Variants in CUZD1 observed in about 807,000 individuals in gnomAD.
CUZD1 encodes CUB and zona pellucida-like domain-containing protein 1.
CUZD1 carries 42 observed loss-of-function variants against 53.1 expected under a neutral mutation model. That is an observed-to-expected ratio of 0.79 (90% CI 0.62 to 1.02). The LOEUF (loss-of-function observed/expected upper bound fraction) is 1.02. CUZD1 is among the 50% of genes least tolerant of loss of function. The pLI is 0.00. For missense variants in CUZD1, 670 were observed against 715.7 expected (o/e 0.94, Z 0.73); for synonymous variants, 238 against 257.2 (o/e 0.93, Z 0.71).
chr10:122,845,399 AAG>A (rs1847420766), intron 1 of CUZD1, among the ~76,000 whole-genome samples: 1 of 152,188 alleles, frequency 6.6e-6, no homozygotes, highest in East Asian at 1.9e-4. Flanking sequence ...AGTTGCAAAA[AAG>A]AGTGTTCCAT....
intron 1 of CUZD1, among the ~76,000 whole-genome samples, chr10:122,844,320 G>A (rs1478652773): frequency 1.3e-5 from 2 of 152,074 alleles, no homozygotes; most frequent in South Asian, 2.1e-4. Context: ...GTAGGCTTGA[G>A]CCATCATGCT....
chr10:122,835,220 T>C, intron 6 of CUZD1, 123 bp from the exon 7 acceptor site: 1 of 639,392 alleles, frequency 1.6e-6, no homozygotes, highest in Non-Finnish European at 2.6e-6. Context: ...ACAGCTTTCA[T>C]GTCAGAATAC....
rs148411775 is a variant in CUZD1, at chr10:122,837,040, A to C, written c.608T>G (p.Ile203Arg). Residue 203 changes from isoleucine to arginine, a missense_variant, in exon 5 of 9, where the codon ATA becomes AGA. Transcript: ENST00000392790. ...KLNFKEIFLE[I>R]DKQCKFDFLA... ...AAAATCAAATTTGCACTGTTTGTCT[A>C]TTTCTAGGCTAGAGAATGAGGGCCT... The C allele has an allele frequency of 8.9e-5, 144 of 1,610,026 alleles. No individual in the cohort carries two copies. Among genetic ancestry groups the C allele is most frequent in the Non-Finnish European group, 1.2e-4 (138 of 1,177,000 alleles).
intron 2 of CUZD1, among the ~76,000 whole-genome samples, chr10:122,840,483 T>C (rs1847323289): frequency 6.6e-6 from 1 of 152,134 alleles, no homozygotes; most frequent in Non-Finnish European, 1.5e-5. Flanking sequence ...TATTTTTTAG[T>C]CTTGGACCTG....
At chr10:122,839,260 G>T (rs370935434) in intron 2 of CUZD1, 29 bp from the exon 3 acceptor site, 68 of 1,602,386 alleles carry the variant, frequency 4.2e-5, no homozygotes, top group Non-Finnish European at 8.5e-6. Context: ...TGTGGCTGAA[G>T]AAGTGTCACA....
intron 8 of CUZD1, 147 bp downstream of exon 8, chr10:122,833,525 A>G: frequency 2.6e-6 from 2 of 782,818 alleles, no homozygotes; most frequent in South Asian, 3.6e-5. Flanking sequence ...GGAAATAAAT[A>G]CTAATCCTAT....
rs756485844 is a variant in CUZD1, at chr10:122,845,746, G to A, written c.82+16C>T. ...CTTCTCTGTTTTGGTGAATAAATCT[G>A]GTTCAATTTTCTTACCTTCAGCCTC... On this transcript the variant is annotated intron_variant, in intron 1 of 8. Transcript: ENST00000392790. The A allele has an allele frequency of 6.2e-6, 10 of 1,610,164 alleles. No homozygotes were observed. Among genetic ancestry groups the A allele is most frequent in the Non-Finnish European group, 8.5e-6 (10 of 1,177,536 alleles).
At chr10:122,838,703 G>C (rs1847290810) in intron 3 of CUZD1, among the ~76,000 whole-genome samples, 1 of 152,198 alleles carries the variant, frequency 6.6e-6, no homozygotes, top group Non-Finnish European at 1.5e-5. Context: ...CTCTAACACA[G>C]TACCCCTCAA....
chr10:122,832,332 C>T lies in CUZD1; in HGVS notation c.1770G>A (p.Arg590=). The T allele has an allele frequency of 1.2e-6, 2 of 1,614,060 alleles. No individual in the cohort carries two copies. Among genetic ancestry groups the T allele is most frequent in the Non-Finnish European group, 1.7e-6 (2 of 1,179,948 alleles). The change falls in exon 9 of 9, where the codon AGG becomes AGA. Residue 590 remains arginine (R), a synonymous_variant. Coordinates refer to ENST00000392790, the MANE Select transcript of CUZD1 (RefSeq NM_022034.6). ...NVVTVATITV[R]HFVNQRADYK... ...AGTCTGCCCGTTGATTTACAAAATG[C>T]CTCACTGTGATTGTCGCTACAGTCA...
chr10:122,841,096 C>A lies in CUZD1; in HGVS notation c.233+82G>T, dbSNP rs1287872798. On this transcript the variant is annotated intron_variant, in intron 2 of 8. Coordinates refer to ENST00000392790, the MANE Select transcript of CUZD1 (RefSeq NM_022034.6). ...TACCACCTCTAGCAGCAGCTGAATT[C>A]TTTCTACAGAGAGTCCCCCTACCCA... 4 of 1,332,268 alleles carry A rather than the reference C, an allele frequency of 3.0e-6. No individual in the cohort carries two copies. The African/African-American group carries it at 5.9e-5, about 20-fold the overall frequency. 82.5% of individuals were successfully genotyped at this position (1,332,268 alleles called of 1,614,324 possible).
chr10:122,833,921 A>G lies in CUZD1; in HGVS notation c.1402T>C (p.Cys468Arg). Reference protein sequence around the residue: ...IKSGCSRDETCKVYPLFGHYG... With the variant: ...IKSGCSRDETRKVYPLFGHYG... ...TGTCCAAATAAGGGATACACCTTAC[A>G]AGTTTCATCTCGACTACATCTGGAA... Residue 468 changes from cysteine to arginine, a missense_variant, in exon 8 of 9, where the codon TGT (cysteine) becomes CGT (arginine). Cys to Arg is a radical substitution (Grantham distance 180, BLOSUM62 -3). Transcript: ENST00000392790. The G allele has an allele frequency of 6.2e-7, 1 of 1,613,108 alleles. No individual in the cohort carries two copies. The highest frequency in any genetic ancestry group is 8.5e-7 in the Non-Finnish European group (1 of 1,179,478).
At chr10:122,838,420 G>A (rs1209475033) in intron 3 of CUZD1, among the ~76,000 whole-genome samples, 1 of 152,164 alleles carries the variant, frequency 6.6e-6, no homozygotes, top group Non-Finnish European at 1.5e-5. Flanking sequence ...GGATCACAGT[G>A]GAATGTAGGT....
intron 1 of CUZD1, among the ~76,000 whole-genome samples, chr10:122,844,352 G>T (rs886278633): frequency 1.3e-5 from 2 of 152,028 alleles, no homozygotes; most frequent in Non-Finnish European, 2.9e-5. Flanking sequence ...AGTTTCTTTT[G>T]GGGGTGAAGA....
Position 122,839,443 on chromosome 10 carries a change from G to C in CUZD1, c.234-212C>G, listed in dbSNP as rs186219241. 5.9e-5 allele frequency among the ~76,000 whole-genome samples: 9 copies of C among 152,260 alleles called. No homozygotes were observed. The East Asian group carries it at 1.4e-3, about 23-fold the overall frequency. ...TGGGCTCAGGGAGATGAACTGCTTT[G>C]CCTATGTCTTGTATCAAGTAAATGA... On this transcript the variant is annotated intron_variant, in intron 2 of 8. Coordinates refer to ENST00000392790, the MANE Select transcript of CUZD1 (RefSeq NM_022034.6).
At chr10:122,834,644 T>A in intron 7 of CUZD1, 62 bp downstream of exon 7, 1 of 1,379,064 alleles carries the variant, frequency 7.3e-7, no homozygotes, top group Non-Finnish European at 9.7e-7. Context: ...AAAATTACTT[T>A]ATTGAAATTA....
intron 7 of CUZD1, 119 bp downstream of exon 7, chr10:122,834,587 T>C (rs1413425469): frequency 1.4e-5 from 9 of 649,952 alleles, no homozygotes; most frequent in African/African-American, 5.6e-5. Flanking sequence ...ATAAATGTAA[T>C]GAAATTTCAT....
At position 122,833,758 on chromosome 10, in the gene CUZD1, C is replaced by A; in HGVS notation, c.1565G>T (p.Arg522Leu). The stretch of plus-strand genomic sequence containing the variant: ...TTTCCATTTATATGAAGAAATGTCT[C>A]GTTTGCTTCTGGAGACACAACCTTG... ...CNQGCVSRSK[R>L]DISSYKWKTD... The change falls in exon 8 of 9, where the codon CGA becomes CTA. Residue 522 changes from arginine to leucine, a missense_variant. Transcript: ENST00000392790. The A allele has an allele frequency of 6.2e-7, 1 of 1,613,954 alleles. No individual in the cohort carries two copies. The highest frequency in any genetic ancestry group is 8.5e-7 in the Non-Finnish European group (1 of 1,179,940).
intron 1 of CUZD1, among the ~76,000 whole-genome samples, chr10:122,844,875 C>T (rs931938668): frequency 1.1e-4 from 16 of 152,080 alleles, no homozygotes; most frequent in Non-Finnish European, 2.4e-4. Flanking sequence ...CATATACTCC[C>T]ATAACCCCAT....
intron 4 of CUZD1, 23 bp downstream of exon 4, chr10:122,837,381 C>T (rs36212073): frequency 1.2e-6 from 2 of 1,613,454 alleles, no homozygotes; most frequent in African/African-American, 1.3e-5. Flanking sequence ...TTTGTTCCAA[C>T]AGAATTGGGC....
Sources: gnomAD v4.1 joint callset for allele counts (sites outside exome capture counted in the v4.1 genomes callset) on GRCh38, gnomAD v4.1.1 for gene constraint, MANE v1.5 for transcripts, NCBI Gene and HGNC (gene_info 2026-07-23, HGNC 2026-07-21) for gene names.